The following TOP1 variants were observed in gnomAD, a reference collection of about 807,000 sequenced individuals.
TOP1 encodes the protein DNA topoisomerase I.
In TOP1, 10 loss-of-function variants were observed where a neutral mutation model predicts 111.1. That is an observed-to-expected ratio of 0.09 (90% CI 0.06 to 0.15). The LOEUF (loss-of-function observed/expected upper bound fraction) is 0.15, where lower values mean the gene tolerates loss of function less well. Ranked by LOEUF, TOP1 falls within the 10% of genes least tolerant of loss-of-function variation. The pLI, the probability that TOP1 is intolerant of heterozygous loss-of-function variation, is 1.00. For synonymous variants in TOP1, 271 were observed against 302.9 expected, an observed-to-expected ratio of 0.89 and a Z score of 1.10; for missense variants, 474 against 926.7, an observed-to-expected ratio of 0.51 and a Z score of 6.34.
intron 13 of TOP1, among the ~76,000 whole-genome samples, chr20:41,108,345 G>A (rs760917478): frequency 3.4e-4 from 51 of 152,040 alleles, no homozygotes; most frequent in Admixed American, 2.6e-4. Flanking sequence ...ATGAATTTTC[G>A]ACAATTTAAA....
chr20:41,074,554 T>G (rs147206659), intron 3 of TOP1, among the ~76,000 whole-genome samples: 36 of 152,268 alleles, frequency 2.4e-4, no homozygotes, highest in Middle Eastern at 6.8e-3. Context: ...GTCCTGTTTC[T>G]CCCTGGCTAG....
rs1284442423 is a variant in TOP1 at position 41,032,801 on chromosome 20, G to T, written c.58+3346G>T. On this transcript the variant is annotated intron_variant, in intron 2 of 20. Transcript: ENST00000361337. The surrounding 1 kb of genome is among the most constrained non-coding windows in gnomAD (Gnocchi z 4.3). ...TTGTACTTCTGTCTGTTGGGTATGG[G>T]TTGGGATGGGCGGTAGCATAGCTGA... 6.6e-6 allele frequency among the ~76,000 whole-genome samples: 1 copy of T among 152,220 alleles called. No homozygotes were observed. The highest frequency in any genetic ancestry group is 1.5e-5 in the Non-Finnish European group (1 of 68,028).
intron 3 of TOP1, among the ~76,000 whole-genome samples, chr20:41,062,891 C>T (rs1232153482): frequency 6.6e-6 from 1 of 152,170 alleles, no homozygotes; most frequent in Non-Finnish European, 1.5e-5. Context: ...TCCCATCCAA[C>T]AATATTAGAA....
chr20:41,118,310 A>C lies in TOP1; in HGVS notation c.1950+14A>C. 1 of 1,613,800 alleles carries C rather than the reference A, an allele frequency of 6.2e-7. No homozygotes were observed. Among genetic ancestry groups the C allele is most frequent in the Non-Finnish European group, 8.5e-7 (1 of 1,179,778 alleles). The stretch of plus-strand genomic sequence containing the variant: ...TTGCAAACTAAGGTATCTTGGATAA[A>C]ATGAAGGGAACTGTGTCTGCTGTGG... On this transcript the variant is annotated intron_variant, in intron 18 of 20. Coordinates refer to ENST00000361337, the MANE Select transcript of TOP1 (RefSeq NM_003286.4). This position sits in a 1 kb window ranked among gnomAD's most constrained non-coding sequence, Gnocchi z 4.6.
rs2033166527 is a variant in TOP1, at chr20:41,034,986, C to G, written c.58+5531C>G. 6.6e-6 allele frequency among the ~76,000 whole-genome samples: 1 copy of G among 151,998 alleles called. No individual in the cohort carries two copies. The highest frequency in any genetic ancestry group is 1.5e-5 in the Non-Finnish European group (1 of 67,994). ...CTCACTGCAACCTCTGCCTCCTGGG[C>G]TCAAGCGATCCTCCTACCTCACCCT... On this transcript the variant is annotated intron_variant, in intron 2 of 20. Transcript: ENST00000361337. The surrounding 1 kb of genome is among the most constrained non-coding windows in gnomAD (Gnocchi z 4.0).
chr20:41,065,559 C>G (rs1395927673), intron 3 of TOP1, among the ~76,000 whole-genome samples: 1 of 152,110 alleles, frequency 6.6e-6, no homozygotes, highest in Non-Finnish European at 1.5e-5. Flanking sequence ...TTCCCCTGTC[C>G]CAATATCTTT....
chr20:41,108,712 G>C (rs2034187323), intron 13 of TOP1, among the ~76,000 whole-genome samples: 1 of 152,168 alleles, frequency 6.6e-6, no homozygotes, highest in Admixed American at 6.5e-5. Flanking sequence ...CGTAGGATCT[G>C]AAATAGCATT....
chr20:41,097,392 A>G lies in TOP1; in HGVS notation c.852+51A>G, dbSNP rs73909146. On this transcript the variant is annotated intron_variant, in intron 10 of 20. Coordinates refer to ENST00000361337, the MANE Select transcript of TOP1 (RefSeq NM_003286.4). This position sits in a 1 kb window ranked among gnomAD's most constrained non-coding sequence, Gnocchi z 4.2. ...CTAGTACCTTGCAAAACAATCAAGT[A>G]CTAAGTAATAAATTATCATTTTGCA... The G allele has an allele frequency of 3.8e-3, 5,717 of 1,507,140 alleles. 193 individuals are homozygous for G. In the African/African-American group the frequency reaches 0.072, roughly 19 times the overall value. The allele number at this position is 1,507,140 out of a possible 1,614,324, so 93.4% of individuals were successfully genotyped here.
In TOP1 at chr20:41,032,463, CATT is replaced by C. The variant is rs1353961573; in HGVS notation, c.58+3013_58+3015del. Among the ~76,000 whole-genome samples the C allele has an allele frequency of 2.0e-5, 3 of 152,164 alleles. No homozygotes were observed. The highest frequency in any genetic ancestry group is 4.4e-5 in the Non-Finnish European group (3 of 68,030). ...AGAACTAACTGTAGTGGGGCTGAGTCATTATTACAGTACTGTACAGGCTGCGTA... is the reference window on the plus strand; with the variant it reads ...AGAACTAACTGTAGTGGGGCTGAGTCATTACAGTACTGTACAGGCTGCGTA... On this transcript the variant is annotated intron_variant, in intron 2 of 20. Transcript: ENST00000361337. This position sits in a 1 kb window ranked among gnomAD's most constrained non-coding sequence, Gnocchi z 4.3.
At chr20:41,059,284 A>C (rs112973106) in intron 2 of TOP1, among the ~76,000 whole-genome samples, 1 of 151,762 alleles carries the variant, frequency 6.6e-6, no homozygotes, top group Non-Finnish European at 1.5e-5. Flanking sequence ...GAGTTTACCT[A>C]TATAACAAAC....
At chr20:41,113,631 A>G (rs886276187) in intron 14 of TOP1, among the ~76,000 whole-genome samples, 1 of 151,190 alleles carries the variant, frequency 6.6e-6, no homozygotes, top group African/African-American at 2.4e-5. Flanking sequence ...TAATCCCAGC[A>G]CTTTGGGAGG....
At chr20:41,031,873 C>T (rs1483900845) in intron 2 of TOP1, among the ~76,000 whole-genome samples, 1 of 152,192 alleles carries the variant, frequency 6.6e-6, no homozygotes, top group Non-Finnish European at 1.5e-5. Flanking sequence ...GATAATTTGT[C>T]ATTTGCTTTT....
In TOP1 at chr20:41,122,662, T is replaced by C. The variant is rs184196034; in HGVS notation, c.2195+507T>C. ...GTGTCACACACAGTGTCACATAACATCTGAAACAAGTGGCTTTGTTATGGA... is the reference window on the plus strand; with the variant it reads ...GTGTCACACACAGTGTCACATAACACCTGAAACAAGTGGCTTTGTTATGGA... On this transcript the variant is annotated intron_variant, in intron 20 of 20. Transcript: ENST00000361337. This position sits in a 1 kb window ranked among gnomAD's most constrained non-coding sequence, Gnocchi z 5.4. Among the ~76,000 whole-genome samples the C allele has an allele frequency of 7.2e-5, 11 of 152,322 alleles. No individual in the cohort carries two copies. Among genetic ancestry groups the C allele is most frequent in the Non-Finnish European group, 1.0e-4 (7 of 68,028 alleles).
At chr20:41,060,501 G>A (rs1043412072) in intron 2 of TOP1, among the ~76,000 whole-genome samples, 1 of 152,222 alleles carries the variant, frequency 6.6e-6, no homozygotes, top group Admixed American at 6.5e-5. Flanking sequence ...TGGGCAAGGG[G>A]TGGAAGATGG....
chr20:41,070,840 A>G (rs1242479639), intron 3 of TOP1, among the ~76,000 whole-genome samples: 2 of 152,202 alleles, frequency 1.3e-5, no homozygotes, highest in African/African-American at 4.8e-5. Context: ...ATGACCCTGG[A>G]GCCAGACTGC....
intron 9 of TOP1, among the ~76,000 whole-genome samples, chr20:41,093,097 G>A (rs1313700972): frequency 2.0e-5 from 3 of 152,084 alleles, no homozygotes; most frequent in African/African-American, 7.2e-5. Flanking sequence ...CTATGCCTTT[G>A]ATATATGTGC....
intron 2 of TOP1, among the ~76,000 whole-genome samples, chr20:41,050,710 T>C (rs1441147277): frequency 6.6e-6 from 1 of 152,236 alleles, no homozygotes; most frequent in Admixed American, 6.5e-5. Context: ...TGACAAGTTT[T>C]CAGGCTTTTT....
intron 2 of TOP1, among the ~76,000 whole-genome samples, chr20:41,039,932 C>G (rs1161070870): frequency 6.6e-6 from 1 of 152,092 alleles, no homozygotes; most frequent in Non-Finnish European, 1.5e-5. Context: ...ATAGTTTTCA[C>G]ATTTCCTGAG....
At chr20:41,035,696 G>C (rs532971386) in intron 2 of TOP1, among the ~76,000 whole-genome samples, 13 of 152,144 alleles carry the variant, frequency 8.5e-5, no homozygotes, top group African/African-American at 2.4e-4. Context: ...TTGGCTATTG[G>C]AGTTTATAGA....
Sources: allele counts gnomAD v4.1 joint callset (sites outside exome capture counted in the v4.1 genomes callset), GRCh38; gene constraint gnomAD v4.1.1; non-coding constraint Gnocchi (gnomAD v3.1); transcripts MANE v1.5; gene names NCBI Gene and HGNC (gene_info 2026-07-23, HGNC 2026-07-21).